Variants in NLGN1 observed in about 807,000 individuals in gnomAD.
The protein encoded by NLGN1 is neuroligin 1.
A neutral mutation model predicts 65.5 loss-of-function variants in NLGN1; 12 were observed. That is an observed-to-expected ratio of 0.18 (90% CI 0.12 to 0.30). NLGN1 has a LOEUF of 0.30. Among genes scored for constraint, NLGN1 ranks in the 10% least tolerant of loss-of-function variants. The pLI is 1.00. For synonymous variants in NLGN1, 350 were observed against 359.5 expected (o/e 0.97, Z 0.30); for missense variants, 750 against 1,007.1 (o/e 0.74, Z 3.46).
chr3:173,421,049 G>A (rs1031819339), intron 1 of NLGN1, among the ~76,000 whole-genome samples: 18 of 151,866 alleles, frequency 1.2e-4, no homozygotes, highest in Non-Finnish European at 2.2e-4. Flanking sequence ...TTTCTTCTAA[G>A]TGTATTGTAA....
intron 2 of NLGN1, among the ~76,000 whole-genome samples, chr3:173,561,855 C>T (rs961896744): frequency 2.0e-5 from 3 of 152,226 alleles, no homozygotes; most frequent in Middle Eastern, 3.4e-3. Context: ...AGAGAGAAAA[C>T]GTGCACATTA....
chr3:173,941,547 A>G (rs1270130913), intron 4 of NLGN1, among the ~76,000 whole-genome samples: 4 of 152,184 alleles, frequency 2.6e-5, no homozygotes, highest in Non-Finnish European at 4.4e-5. Context: ...TTTCACTTCC[A>G]TGCATTACCT....
intron 4 of NLGN1, among the ~76,000 whole-genome samples, chr3:174,207,284 C>G (rs1735613976): frequency 2.0e-5 from 3 of 151,776 alleles, no homozygotes; most frequent in Admixed American, 2.0e-4. Flanking sequence ...GTGTACCGCT[C>G]TCTCCCCATT....
chr3:173,953,394 ATTG>A (rs1284405803), intron 4 of NLGN1, among the ~76,000 whole-genome samples: 1 of 152,166 alleles, frequency 6.6e-6, no homozygotes, highest in African/African-American at 2.4e-5. Context: ...AAAAAAAGGT[ATTG>A]TTATGTTTCT....
intron 4 of NLGN1, among the ~76,000 whole-genome samples, chr3:174,094,256 A>G (rs1042877680): frequency 3.9e-5 from 6 of 152,234 alleles, no homozygotes; most frequent in African/African-American, 1.4e-4. Context: ...GTATAGACAC[A>G]TAAGTGAAAA....
intron 3 of NLGN1, among the ~76,000 whole-genome samples, chr3:173,705,473 G>C (rs1767909970): frequency 1.3e-5 from 2 of 152,064 alleles, no homozygotes; most frequent in African/African-American, 4.8e-5. Context: ...ATGTTAGACA[G>C]GTAAAAATAC....
chr3:173,397,367 C>G (rs1462014489), upstream of NLGN1, among the ~76,000 whole-genome samples: 3 of 152,138 alleles, frequency 2.0e-5, no homozygotes, highest in African/African-American at 7.2e-5. Flanking sequence ...AACTCCCGTT[C>G]AAGGGACACG....
chr3:174,242,969 T>A (rs1007005756), intron 4 of NLGN1, among the ~76,000 whole-genome samples: 1 of 152,204 alleles, frequency 6.6e-6, no homozygotes, highest in Non-Finnish European at 1.5e-5. Context: ...AATAAAAGAT[T>A]CTTGCCATAG....
intron 2 of NLGN1, among the ~76,000 whole-genome samples, chr3:173,587,191 G>C (rs1747615945): frequency 6.6e-6 from 1 of 152,166 alleles, no homozygotes; most frequent in Non-Finnish European, 1.5e-5. Context: ...GTAGTGCCTG[G>C]AAAATACATT....
intron 3 of NLGN1, among the ~76,000 whole-genome samples, chr3:173,729,167 T>C (rs1418533488): frequency 6.6e-6 from 1 of 152,086 alleles, no homozygotes; most frequent in Non-Finnish European, 1.5e-5. Flanking sequence ...AAAATATCAG[T>C]TGGACTTAAG....
rs947457972 is a variant in NLGN1 at position 173,988,034 on chromosome 3, C to T, written c.646+180202C>T. 3.0e-4 allele frequency among the ~76,000 whole-genome samples: 46 copies of T among 152,124 alleles called. 1 individual carries two copies. The highest frequency in any genetic ancestry group is 9.9e-4 in the African/African-American group (41 of 41,438). ...TGCATAGCTACATTTTGGGAAAACTCGCCTTTTTTCTATCACCCAAAATAA... is the reference window on the plus strand; with the variant it reads ...TGCATAGCTACATTTTGGGAAAACTTGCCTTTTTTCTATCACCCAAAATAA... On this transcript the variant is annotated intron_variant, in intron 4 of 6. Coordinates refer to ENST00000457714, the Ensembl canonical transcript of NLGN1.
intron 2 of NLGN1, among the ~76,000 whole-genome samples, chr3:173,587,418 A>G (rs1747673769): frequency 6.6e-6 from 1 of 152,210 alleles, no homozygotes; most frequent in East Asian, 1.9e-4. Context: ...GTATATACAA[A>G]ACTACACACC....
chr3:173,765,055 TGTGTG>T (rs1778558411), intron 3 of NLGN1, among the ~76,000 whole-genome samples: 2 of 3,980 alleles, frequency 5.0e-4, no homozygotes, highest in African/African-American at 4.3e-3. Flanking sequence ...TGGGTGCATG[TGTGTG>T]TGTGTGTGTG....
At chr3:174,103,885 T>C (rs1450099261) in intron 4 of NLGN1, among the ~76,000 whole-genome samples, 2 of 152,088 alleles carry the variant, frequency 1.3e-5, no homozygotes, top group Non-Finnish European at 1.5e-5. Context: ...TTCTGTGTTA[T>C]AGCTAACACT....
chr3:173,406,589 C>CAT lies in NLGN1; in HGVS notation c.-390+8114_-390+8115dup, dbSNP rs559456525. Among the ~76,000 whole-genome samples the CAT allele has an allele frequency of 1.8e-4, 27 of 146,186 alleles. No homozygotes were observed. The East Asian group carries it at 4.0e-3, about 21-fold the overall frequency. On this transcript the variant is annotated intron_variant, in intron 1 of 6. Coordinates refer to ENST00000457714, the Ensembl canonical transcript of NLGN1. ...TATATTGAATTCATATATATGTATTCATATATATATATAAATCAAAGGAAG... is the reference window on the plus strand; with the variant it reads ...TATATTGAATTCATATATATGTATTCATATATATATATATAAATCAAAGGAAG...
intron 4 of NLGN1, among the ~76,000 whole-genome samples, chr3:173,913,120 C>A (rs1739967886): frequency 6.6e-6 from 1 of 152,156 alleles, no homozygotes; most frequent in South Asian, 2.1e-4. Context: ...TCTGCAAACA[C>A]TTTTGTGCAT....
chr3:173,935,532 C>T (rs940590507), intron 4 of NLGN1, among the ~76,000 whole-genome samples: 1 of 151,470 alleles, frequency 6.6e-6, no homozygotes, highest in African/African-American at 2.4e-5. Context: ...CAAAGTTAGC[C>T]AACTTCTAGA....
intron 2 of NLGN1, among the ~76,000 whole-genome samples, chr3:173,474,284 C>G (rs185618142): frequency 4.2e-4 from 64 of 152,260 alleles, no homozygotes; most frequent in African/African-American, 1.5e-3. Context: ...TGAAAGACTT[C>G]TCCTTCTTAG....
intron 4 of NLGN1, among the ~76,000 whole-genome samples, chr3:174,012,604 A>G (rs1725780675): frequency 6.6e-6 from 1 of 152,202 alleles, no homozygotes; most frequent in Non-Finnish European, 1.5e-5. Flanking sequence ...TTATTCCTGC[A>G]GTCCTAGCCT....
Sources: allele counts gnomAD v4.1 joint callset (sites outside exome capture counted in the v4.1 genomes callset), GRCh38; gene constraint gnomAD v4.1.1; transcripts MANE v1.5; gene names NCBI Gene and HGNC (gene_info 2026-07-23, HGNC 2026-07-21).